SAMTOR: variants seen among roughly 807,000 people sequenced by gnomAD.
The protein encoded by SAMTOR is UPF0532 protein C7orf60.
chr7:112,920,665 T>C, the SAMTOR span, among the ~76,000 whole-genome samples: 188 of 144,326 alleles, frequency 1.3e-3, no homozygotes, highest in African/African-American at 4.6e-3. Context: ...AAATTGTCCC[T>C]GTTTGCAGAT....
the SAMTOR span, among the ~76,000 whole-genome samples, chr7:112,920,260 T>G: frequency 2.6e-5 from 4 of 152,208 alleles, no homozygotes; most frequent in African/African-American, 4.8e-5. Flanking sequence ...CATGATCAAG[T>G]GGGCTTCATC....
the SAMTOR span, among the ~76,000 whole-genome samples, chr7:112,902,429 C>CAAAAAAAAAAAAAAAAAAAAA: frequency 1.7e-5 from 1 of 58,576 alleles, no homozygotes; most frequent in Non-Finnish European, 2.8e-5. Context: ...AAAAAAAAAA[C>CAAAAAAAAAAAAAAAAAAAAA]AAAAAAAAAC....
chr7:112,905,997 T>C, the SAMTOR span, among the ~76,000 whole-genome samples: 1 of 152,114 alleles, frequency 6.6e-6, no homozygotes, highest in Non-Finnish European at 1.5e-5. Flanking sequence ...CATAAACTCA[T>C]ATAAACAGAA....
At chr7:112,888,193 A>G in the SAMTOR span, among the ~76,000 whole-genome samples, 15 of 152,198 alleles carry the variant, frequency 9.9e-5, no homozygotes, top group Middle Eastern at 6.8e-3. Context: ...CCCTTGTGCT[A>G]TTTAGAGGTG....
At chr7:112,885,849 C>T in the SAMTOR span, among the ~76,000 whole-genome samples, 9 of 152,126 alleles carry the variant, frequency 5.9e-5, no homozygotes, top group Non-Finnish European at 1.0e-4. Flanking sequence ...AGCAACACCC[C>T]ACTTTCTGTG....
the SAMTOR span, among the ~76,000 whole-genome samples, chr7:112,901,664 A>G: frequency 4.0e-4 from 61 of 152,336 alleles, no homozygotes; most frequent in Admixed American, 6.5e-5. Context: ...GACTGCTGAC[A>G]TATACAATGA....
At chr7:112,896,183 G>A in the SAMTOR span, among the ~76,000 whole-genome samples, 2 of 152,134 alleles carry the variant, frequency 1.3e-5, no homozygotes, top group Admixed American at 6.5e-5. Context: ...AAGTCAGGGT[G>A]AGTGTGCGTG....
the SAMTOR span, among the ~76,000 whole-genome samples, chr7:112,870,008 TAAG>T: frequency 4.0e-5 from 6 of 151,828 alleles, no homozygotes; most frequent in Admixed American, 6.6e-5. Flanking sequence ...CAAATAAAAA[TAAG>T]AAGAAGAAAA....
chr7:112,854,717 C>A, the SAMTOR span, among the ~76,000 whole-genome samples: 2 of 152,120 alleles, frequency 1.3e-5, no homozygotes, highest in East Asian at 1.9e-4. Flanking sequence ...GACAAACTCC[C>A]TTTTCAAGAA....
At chr7:112,939,349 G>C in the SAMTOR span, 1 of 584,938 alleles carries the variant, frequency 1.7e-6, no homozygotes, top group Non-Finnish European at 3.0e-6. Context: ...GGAGGGGGTG[G>C]GGACTCAATT....
the SAMTOR span, among the ~76,000 whole-genome samples, chr7:112,890,260 C>T: frequency 6.6e-6 from 1 of 152,142 alleles, no homozygotes; most frequent in Non-Finnish European, 1.5e-5. Context: ...GGAAGCCTTA[C>T]TGACTGAGGT....
At chr7:112,908,401 G>T in the SAMTOR span, among the ~76,000 whole-genome samples, 1 of 152,138 alleles carries the variant, frequency 6.6e-6, no homozygotes, top group Non-Finnish European at 1.5e-5. Flanking sequence ...CTTTAGACTG[G>T]ATCTATACCT....
chr7:112,923,179 C>T, the SAMTOR span, among the ~76,000 whole-genome samples: 1 of 152,152 alleles, frequency 6.6e-6, no homozygotes, highest in Non-Finnish European at 1.5e-5. Context: ...TGACCTTACC[C>T]CTAACCCTGT....
At chr7:112,855,131 A>G in the SAMTOR span, among the ~76,000 whole-genome samples, 1 of 152,192 alleles carries the variant, frequency 6.6e-6, no homozygotes, top group Non-Finnish European at 1.5e-5. Context: ...GTGATTTCAG[A>G]TGGGATTAAA....
At chr7:112,932,865 G>A in the SAMTOR span, among the ~76,000 whole-genome samples, 3 of 152,176 alleles carry the variant, frequency 2.0e-5, no homozygotes, top group African/African-American at 7.2e-5. Context: ...GACCAACCAC[G>A]AAGAGGTCAT....
At chr7:112,926,990 C>A in the SAMTOR span, among the ~76,000 whole-genome samples, 1 of 151,750 alleles carries the variant, frequency 6.6e-6, no homozygotes, top group Admixed American at 6.6e-5. Context: ...TTCCACTTCC[C>A]AAAATACCTC....
At chr7:112,902,067 A>G in the SAMTOR span, among the ~76,000 whole-genome samples, 1 of 152,154 alleles carries the variant, frequency 6.6e-6, no homozygotes, top group Non-Finnish European at 1.5e-5. Context: ...TTCCAACTAT[A>G]TGACATTCTG....
the SAMTOR span, among the ~76,000 whole-genome samples, chr7:112,933,057 G>A: frequency 6.6e-6 from 1 of 152,194 alleles, no homozygotes; most frequent in Admixed American, 6.5e-5. Flanking sequence ...ATAATGCCCA[G>A]GAGCCATCCA....
At chr7:112,930,731 G>A in the SAMTOR span, among the ~76,000 whole-genome samples, 1 of 152,122 alleles carries the variant, frequency 6.6e-6, no homozygotes, top group South Asian at 2.1e-4. Flanking sequence ...TATGCCAAAT[G>A]TTGTTTTAAG....
Sources: gnomAD v4.1 joint callset for allele counts (sites outside exome capture counted in the v4.1 genomes callset) on GRCh38, gnomAD v4.1.1 for gene constraint, MANE v1.5 for transcripts, NCBI Gene and HGNC (gene_info 2026-07-23, HGNC 2026-07-21) for gene names.